MGA: variants seen among roughly 807,000 people sequenced by gnomAD.
MGA encodes MAX dimerization protein MGA.
In MGA, 40 loss-of-function variants were observed where a neutral mutation model predicts 261.1. The observed-to-expected ratio is 0.15, with a 90% CI of 0.12 to 0.20. The LOEUF (loss-of-function observed/expected upper bound fraction) is 0.20. MGA is among the 10% of genes least tolerant of loss of function. The pLI is 1.00. For missense variants in MGA, 3,397 were observed against 3,630.5 expected (o/e 0.94, Z 1.65); for synonymous variants, 1,302 against 1,290.6 (o/e 1.01, Z -0.19).
At chr15:41,715,093 A>G (rs1413824426) in intron 9 of MGA, among the ~76,000 whole-genome samples, 2 of 141,746 alleles carry the variant, frequency 1.4e-5, no homozygotes, top group African/African-American at 5.1e-5. Context: ...GTGAAAAAGC[A>G]GTGATAGTTA....
chr15:41,715,762 T>A (rs956553593), intron 9 of MGA, among the ~76,000 whole-genome samples: 1 of 152,198 alleles, frequency 6.6e-6, no homozygotes, highest in African/African-American at 2.4e-5. Flanking sequence ...AAGTGAGATA[T>A]AGTGTATTTA....
intron 1 of MGA, among the ~76,000 whole-genome samples, chr15:41,640,744 C>A (rs534122517): frequency 8.5e-5 from 13 of 152,294 alleles, no homozygotes; most frequent in African/African-American, 3.1e-4. Context: ...GTCTCAAACT[C>A]CTGACCTCAC....
intron 1 of MGA, among the ~76,000 whole-genome samples, chr15:41,638,300 C>T (rs1180683023): frequency 6.6e-6 from 1 of 151,904 alleles, no homozygotes; most frequent in Non-Finnish European, 1.5e-5. Flanking sequence ...GTCTCGGCCT[C>T]CCAAAGTGCT....
intron 1 of MGA, among the ~76,000 whole-genome samples, chr15:41,654,302 C>G (rs1440566496): frequency 6.6e-6 from 1 of 152,062 alleles, no homozygotes; most frequent in Non-Finnish European, 1.5e-5. Context: ...AATTTTTCAT[C>G]TATCTAAGTG....
At chr15:41,672,734 T>G (rs912262076) in intron 2 of MGA, among the ~76,000 whole-genome samples, 1 of 152,206 alleles carries the variant, frequency 6.6e-6, no homozygotes, top group South Asian at 2.1e-4. Flanking sequence ...CCTATTTTAG[T>G]ATGTATACAA....
At chr15:41,704,575 T>G (rs1223855817) in intron 5 of MGA, among the ~76,000 whole-genome samples, 2 of 152,170 alleles carry the variant, frequency 1.3e-5, no homozygotes, top group Non-Finnish European at 2.9e-5. Context: ...GGAGAATGGC[T>G]TGAACCTGGG....
intron 2 of MGA, among the ~76,000 whole-genome samples, chr15:41,675,919 T>G (rs1030548643): frequency 5.9e-5 from 9 of 152,212 alleles, no homozygotes; most frequent in Admixed American, 1.3e-4. Context: ...CAGAATACCT[T>G]TTAGTTTCAG....
chr15:41,702,545 A>T (rs1470267477), intron 5 of MGA, among the ~76,000 whole-genome samples: 1 of 152,232 alleles, frequency 6.6e-6, no homozygotes, highest in Non-Finnish European at 1.5e-5. Flanking sequence ...ATTAGAAAAT[A>T]GCAGTTAAAC....
chr15:41,766,720 T>G lies in MGA; in HGVS notation c.8638T>G (p.Leu2880Val), dbSNP rs1489170604. ...CAGAGCAACTTTCCAGGTTGAGCAC[T>G]TGGGAACTGGTTTGAAAGAGTTGCC... Residue 2880 changes from leucine to valine, a missense_variant, in exon 24 of 24, where the codon TTG (leucine) becomes GTG (valine). Coordinates refer to ENST00000219905, the MANE Select transcript of MGA (RefSeq NM_001164273.2). 1.2e-6 allele frequency: 2 copies of G among 1,613,970 alleles called. No homozygotes were observed. The highest frequency in any genetic ancestry group is 2.2e-5 in the South Asian group (2 of 91,078).
intron 2 of MGA, among the ~76,000 whole-genome samples, chr15:41,686,569 G>T (rs1486571479): frequency 6.6e-6 from 1 of 152,028 alleles, no homozygotes; most frequent in Non-Finnish European, 1.5e-5. Flanking sequence ...CATGTCTCCT[G>T]ATCTTAGAGA....
intron 12 of MGA, 126 bp downstream of exon 12, chr15:41,734,720 C>A: frequency 1.4e-6 from 1 of 692,462 alleles, no homozygotes; most frequent in Non-Finnish European, 2.3e-6. Flanking sequence ...AAACTTATGC[C>A]AAAAACAGGG....
At chr15:41,653,550 A>AAT (rs1555403364) in intron 1 of MGA, among the ~76,000 whole-genome samples, 2 of 151,796 alleles carry the variant, frequency 1.3e-5, no homozygotes, top group African/African-American at 4.8e-5. Flanking sequence ...TACGTTAAAA[A>AAT]ATATATATAT....
intron 1 of MGA, among the ~76,000 whole-genome samples, chr15:41,627,524 T>A (rs1384186418): frequency 6.6e-6 from 1 of 152,252 alleles, no homozygotes; most frequent in African/African-American, 2.4e-5. Context: ...ACTATTGATG[T>A]GACCTTGATC....
chr15:41,756,967 CT>C (rs1340326581), intron 18 of MGA, among the ~76,000 whole-genome samples: 1 of 97,984 alleles, frequency 1.0e-5, no homozygotes, highest in Admixed American at 1.3e-4. Context: ...TAAAGTGGTA[CT>C]TTTTTTGTTT....
rs1317877309 is a variant in MGA at position 41,699,046 on chromosome 15, T to C, written c.2093-18T>C. 1.3e-6 allele frequency: 2 copies of C among 1,598,142 alleles called. No homozygotes were observed. The highest frequency in any genetic ancestry group is 4.5e-5 in the East Asian group (2 of 44,636). On this transcript the variant is annotated intron_variant, in intron 4 of 23. Coordinates refer to ENST00000219905, the MANE Select transcript of MGA (RefSeq NM_001164273.2). Reference sequence around the variant, plus strand: ...AGTGTACAGTAGCTTATTTTATTACTATTTATTTTGGGTGTAGGTTACAGA... The same window carrying C: ...AGTGTACAGTAGCTTATTTTATTACCATTTATTTTGGGTGTAGGTTACAGA...
chr15:41,670,108 A>C (rs1032950949), intron 2 of MGA, 150 bp downstream of exon 2: 6 of 682,552 alleles, frequency 8.8e-6, no homozygotes, highest in Admixed American at 3.0e-5. Flanking sequence ...ACATTCTGTG[A>C]AGTGACATCA....
chr15:41,759,470 T>TA (rs1312722641), intron 19 of MGA, among the ~76,000 whole-genome samples: 1 of 147,844 alleles, frequency 6.8e-6, no homozygotes, highest in Non-Finnish European at 1.5e-5. Flanking sequence ...GTGTATTTTT[T>TA]TTTTTTTTTT....
At chr15:41,675,320 T>C (rs2058316117) in intron 2 of MGA, among the ~76,000 whole-genome samples, 1 of 152,214 alleles carries the variant, frequency 6.6e-6, no homozygotes, top group African/African-American at 2.4e-5. Flanking sequence ...TCTTTTTTGT[T>C]TTTAGCTATT....
At chr15:41,633,999 C>CT (rs1232045982) in intron 1 of MGA, among the ~76,000 whole-genome samples, 1 of 152,068 alleles carries the variant, frequency 6.6e-6, no homozygotes, top group Admixed American at 6.6e-5. Context: ...GGCATATACC[C>CT]TTTCATTTCT....
Sources: allele counts gnomAD v4.1 joint callset (sites outside exome capture counted in the v4.1 genomes callset), GRCh38; gene constraint gnomAD v4.1.1; transcripts MANE v1.5; gene names NCBI Gene and HGNC (gene_info 2026-07-23, HGNC 2026-07-21).